The following CCDC144A variants were observed in gnomAD, a reference collection of about 807,000 sequenced individuals.
The protein encoded by CCDC144A is coiled-coil domain-containing protein 144A.
CCDC144A carries 41 observed loss-of-function variants against 143.8 expected under a neutral mutation model. The observed-to-expected ratio is 0.29, with a 90% CI of 0.22 to 0.37. The LOEUF is 0.37. CCDC144A is among the 10% of genes least tolerant of loss of function. CCDC144A has a pLI of 1.00. For synonymous variants in CCDC144A, 242 were observed against 517.9 expected (o/e 0.47, Z 7.23); for missense variants, 637 against 1,488.8 (o/e 0.43, Z 9.41).
chr17:16,687,824 G>A (rs528479867), upstream of CCDC144A, among the ~76,000 whole-genome samples: 87 of 151,956 alleles, frequency 5.7e-4, no homozygotes, highest in African/African-American at 1.9e-3. Flanking sequence ...CTCAATTCAC[G>A]GGGCATTTCA....
chr17:16,741,146 T>G (rs1213280267), intron 12 of CCDC144A, among the ~76,000 whole-genome samples: 3 of 152,072 alleles, frequency 2.0e-5, no homozygotes, highest in Non-Finnish European at 2.9e-5. Context: ...TTGTTTAAAT[T>G]TATTTTTCTG....
intron 6 of CCDC144A, among the ~76,000 whole-genome samples, chr17:16,719,021 G>A (rs1436704916): frequency 1.3e-5 from 2 of 148,204 alleles, no homozygotes; most frequent in Non-Finnish European, 3.0e-5. Context: ...TAGTAGAGAC[G>A]GGGTTTCATC....
At chr17:16,684,928 C>T (rs536323224), upstream of CCDC144A, among the ~76,000 whole-genome samples, 2 of 152,298 alleles carry the variant, frequency 1.3e-5, no homozygotes, top group South Asian at 4.1e-4. Flanking sequence ...TACCACTGCA[C>T]TCTAGCCTGG....
At chr17:16,681,582 G>T in the CCDC144A span, among the ~76,000 whole-genome samples, 3 of 152,116 alleles carry the variant, frequency 2.0e-5, no homozygotes, top group African/African-American at 7.2e-5. Flanking sequence ...CGTTGGCCGG[G>T]CATGGTGGCT....
the CCDC144A span, among the ~76,000 whole-genome samples, chr17:16,671,454 G>A: frequency 1.3e-5 from 2 of 151,814 alleles, no homozygotes; most frequent in Non-Finnish European, 2.9e-5. Context: ...TCTGATATTA[G>A]GAAAGTCAAT....
intron 15 of CCDC144A, among the ~76,000 whole-genome samples, chr17:16,770,081 C>T (rs1430338987): frequency 4.6e-5 from 7 of 151,812 alleles, no homozygotes; most frequent in Non-Finnish European, 1.0e-4. Flanking sequence ...CCAATTCAGC[C>T]TCCCAAAGTG....
intron 2 of CCDC144A, among the ~76,000 whole-genome samples, chr17:16,700,581 C>T (rs1911678224): frequency 6.6e-6 from 1 of 152,130 alleles, no homozygotes; most frequent in Admixed American, 6.5e-5. Flanking sequence ...TGTCTCATGC[C>T]TGCTATATGA....
At chr17:16,686,652 A>T (rs891718300), upstream of CCDC144A, among the ~76,000 whole-genome samples, 16 of 151,106 alleles carry the variant, frequency 1.1e-4, no homozygotes, top group Non-Finnish European at 1.8e-4. Context: ...ACAAAAAAAA[A>T]TTGTTTTTTT....
chr17:16,772,331 A>G (rs1406172431), intron 16 of CCDC144A, among the ~76,000 whole-genome samples: 25 of 152,192 alleles, frequency 1.6e-4, no homozygotes, highest in Admixed American at 7.9e-4. Flanking sequence ...AGCATCATCA[A>G]CTTCTCAGGG....
At chr17:16,745,599 C>T (rs1416213015) in intron 12 of CCDC144A, 1 of 1,549,834 alleles carries the variant, frequency 6.5e-7, no homozygotes, top group Non-Finnish European at 8.7e-7. Context: ...GATGCCCTCG[C>T]TCGTCCATGG....
intron 12 of CCDC144A, among the ~76,000 whole-genome samples, chr17:16,751,628 C>G (rs938507550): frequency 1.3e-4 from 20 of 152,226 alleles, no homozygotes; most frequent in African/African-American, 4.8e-4. Context: ...CGGCCCAAGC[C>G]AAAAGTTAGG....
chr17:16,677,497 G>A, the CCDC144A span, among the ~76,000 whole-genome samples: 2 of 152,142 alleles, frequency 1.3e-5, no homozygotes, highest in African/African-American at 4.8e-5. Flanking sequence ...CCTATGTGAT[G>A]GTCTTTGGAG....
chr17:16,697,347 A>G (rs1433026714), intron 2 of CCDC144A, among the ~76,000 whole-genome samples: 3 of 152,352 alleles, frequency 2.0e-5, no homozygotes, highest in Admixed American at 6.5e-5. Flanking sequence ...TAAAAAGGCA[A>G]GCAAATATAC....
In CCDC144A at chr17:16,757,612, G is replaced by A. The variant is rs1424909976; in HGVS notation, c.3373-3813G>A. Among the ~76,000 whole-genome samples, 4 of 152,240 alleles carry A rather than the reference G, an allele frequency of 2.6e-5. No individual in the cohort carries two copies. The East Asian group carries it at 5.8e-4, about 22-fold the overall frequency. On this transcript the variant is annotated intron_variant, in intron 12 of 16. Transcript: ENST00000399273. ...AGGCTCTCATATGGCTCACATGGGC[G>A]CCACCCCTGGTGGGCTTGACAGGCT...
chr17:16,721,396 T>A (rs1444913506), intron 8 of CCDC144A, among the ~76,000 whole-genome samples: 3 of 151,750 alleles, frequency 2.0e-5, no homozygotes, highest in Non-Finnish European at 4.4e-5. Flanking sequence ...ACCAGAGGTA[T>A]ACGACATTTC....
intron 6 of CCDC144A, among the ~76,000 whole-genome samples, chr17:16,717,064 G>A (rs1047133290): frequency 1.0e-4 from 15 of 149,530 alleles, no homozygotes; most frequent in African/African-American, 3.7e-4. Context: ...GCCTCCCAAA[G>A]TGCTGGGATT....
intron 6 of CCDC144A, among the ~76,000 whole-genome samples, chr17:16,717,171 C>T (rs1912821876): frequency 6.9e-6 from 1 of 144,740 alleles, no homozygotes; most frequent in Non-Finnish European, 1.5e-5. Context: ...GGCTGGAGTG[C>T]AGTGGCAATC....
intron 12 of CCDC144A, among the ~76,000 whole-genome samples, chr17:16,753,428 G>GTTTTTTTTTTTTTTTTTTTTTTTTTTTT: frequency 7.0e-5 from 4 of 57,376 alleles, no homozygotes; most frequent in Admixed American, 2.0e-4. Flanking sequence ...GTGTTTTGTA[G>GTTTTTTTTTTTTTTTTTTTTTTTTTTTT]TTTTTTTTTT....
chr17:16,686,737 CACACACACAA>C (rs908750538), upstream of CCDC144A, among the ~76,000 whole-genome samples: 3 of 132,280 alleles, frequency 2.3e-5, no homozygotes, highest in South Asian at 2.6e-4. Context: ...CTGCCTCTGT[CACACACACAA>C]ACACACACAC....
Sources: allele counts gnomAD v4.1 joint callset (sites outside exome capture counted in the v4.1 genomes callset), GRCh38; gene constraint gnomAD v4.1.1; transcripts MANE v1.5; gene names NCBI Gene and HGNC (gene_info 2026-07-23, HGNC 2026-07-21).